CSMD1: variants seen among roughly 807,000 people sequenced by gnomAD.
The protein encoded by CSMD1 is CUB and Sushi multiple domains 1.
A neutral mutation model predicts 417.5 loss-of-function variants in CSMD1; 213 were observed. The ratio of observed to expected loss-of-function variants is 0.51; its 90% CI spans 0.46 to 0.57. The LOEUF is 0.57. Ranked by LOEUF, CSMD1 falls within the 20% of genes least tolerant of loss-of-function variation. CSMD1 has a pLI of 0.00. For synonymous variants in CSMD1, 2,862 were observed against 1,736.8 expected, an observed-to-expected ratio of 1.65 and a Z score of -16.11; for missense variants, 6,923 against 4,529.7, an observed-to-expected ratio of 1.53 and a Z score of -15.17.
At chr8:4,457,961 G>T (rs1001238478) in intron 2 of CSMD1, among the ~76,000 whole-genome samples, 3 of 152,144 alleles carry the variant, frequency 2.0e-5, no homozygotes, top group East Asian at 1.9e-4. Context: ...GAAAAACCCA[G>T]ATGTACTTCT....
intron 2 of CSMD1, among the ~76,000 whole-genome samples, chr8:4,522,695 C>A (rs985933051): frequency 6.6e-6 from 1 of 152,156 alleles, no homozygotes; most frequent in African/African-American, 2.4e-5. Context: ...CTGTTATCAT[C>A]TCACTTTACC....
At chr8:3,605,790 T>G (rs1263583754) in intron 8 of CSMD1, among the ~76,000 whole-genome samples, 1 of 152,220 alleles carries the variant, frequency 6.6e-6, no homozygotes, top group Admixed American at 6.5e-5. Context: ...ATAGCACTCT[T>G]TCAACCCCCA....
intron 7 of CSMD1, among the ~76,000 whole-genome samples, chr8:3,619,587 A>G (rs896364212): frequency 2.4e-4 from 37 of 152,288 alleles, no homozygotes; most frequent in African/African-American, 8.7e-4. Flanking sequence ...AGATGTACAA[A>G]TTCAAGGAGA....
chr8:3,400,192 T>G (rs1406631687), intron 15 of CSMD1, among the ~76,000 whole-genome samples: 1 of 152,178 alleles, frequency 6.6e-6, no homozygotes, highest in African/African-American at 2.4e-5. Context: ...ACCTGTATCA[T>G]CTAAAGGAAT....
chr8:4,762,149 T>G (rs1163436641), intron 1 of CSMD1, among the ~76,000 whole-genome samples: 1 of 152,138 alleles, frequency 6.6e-6, no homozygotes, highest in African/African-American at 2.4e-5. Flanking sequence ...AAAGGTAAGA[T>G]GTCACCACCT....
At chr8:3,301,487 G>C (rs1804403677) in intron 25 of CSMD1, among the ~76,000 whole-genome samples, 1 of 152,128 alleles carries the variant, frequency 6.6e-6, no homozygotes, top group African/African-American at 2.4e-5. Flanking sequence ...TGAGATCAGG[G>C]AACAACACAG....
chr8:2,960,961 T>TATATATATATACAC (rs1408815262), intron 62 of CSMD1, among the ~76,000 whole-genome samples, 180 bp downstream of exon 62: 2 of 130,858 alleles, frequency 1.5e-5, no homozygotes, highest in East Asian at 4.2e-4. Context: ...TATATATATA[T>TATATATATATACAC]ATATACATAT....
intron 41 of CSMD1, chr8:3,127,886 G>A (rs1817589174): frequency 6.9e-6 from 1 of 145,844 alleles, no homozygotes; most frequent in East Asian, 2.0e-4. Flanking sequence ...ATGAGAGGGA[G>A]GGAGGGAGGA....
At chr8:4,464,914 G>A (rs1025223440) in intron 2 of CSMD1, among the ~76,000 whole-genome samples, 1 of 152,032 alleles carries the variant, frequency 6.6e-6, no homozygotes, top group African/African-American at 2.4e-5. Flanking sequence ...CCTCTCCATT[G>A]GGGCTGAGCA....
At chr8:3,798,561 G>A (rs1161561578) in intron 5 of CSMD1, among the ~76,000 whole-genome samples, 1 of 152,062 alleles carries the variant, frequency 6.6e-6, no homozygotes, top group Non-Finnish European at 1.5e-5. Context: ...CCAGAGTTTT[G>A]AGAGGTGATT....
chr8:4,214,960 G>A lies in CSMD1; in HGVS notation c.416-182861C>T, dbSNP rs80257247. On this transcript the variant is annotated intron_variant, in intron 3 of 69. Transcript: ENST00000635120. Reference sequence around the variant, plus strand: ...TGAGCACAAACGAAGCTCACTTCACGTGAGATACAGGCACAGCTTACTCTG... The same window carrying A: ...TGAGCACAAACGAAGCTCACTTCACATGAGATACAGGCACAGCTTACTCTG... Among the ~76,000 whole-genome samples, 22 of 152,138 alleles carry A rather than the reference G, an allele frequency of 1.4e-4. No homozygotes were observed. In the East Asian group the frequency reaches 2.5e-3, roughly 17 times the overall value.
intron 20 of CSMD1, among the ~76,000 whole-genome samples, chr8:3,361,431 AGACT>A (rs1265694376): frequency 6.6e-6 from 1 of 152,090 alleles, no homozygotes; most frequent in Non-Finnish European, 1.5e-5. Flanking sequence ...GTTTGAGACC[AGACT>A]GACTAACACG....
intron 49 of CSMD1, among the ~76,000 whole-genome samples, chr8:3,070,654 T>A (rs1813270435): frequency 6.6e-6 from 1 of 152,190 alleles, no homozygotes; most frequent in African/African-American, 2.4e-5. Flanking sequence ...TCTTCATTGT[T>A]TATATCACCA....
chr8:3,911,943 T>G (rs1025273773), intron 5 of CSMD1, among the ~76,000 whole-genome samples: 5 of 152,232 alleles, frequency 3.3e-5, no homozygotes, highest in Non-Finnish European at 5.9e-5. Flanking sequence ...TTTCCCTATA[T>G]GTCCACCTGA....
At chr8:3,146,992 C>A (rs1818884990) in intron 40 of CSMD1, among the ~76,000 whole-genome samples, 1 of 152,088 alleles carries the variant, frequency 6.6e-6, no homozygotes, top group South Asian at 2.1e-4. Flanking sequence ...AAAAACATCC[C>A]ATATATTTTT....
intron 3 of CSMD1, among the ~76,000 whole-genome samples, chr8:4,260,699 G>A (rs893648906): frequency 7.2e-5 from 11 of 152,122 alleles, no homozygotes; most frequent in Admixed American, 5.9e-4. Flanking sequence ...AAATTCCCAT[G>A]TCGTTGGTTT....
intron 3 of CSMD1, among the ~76,000 whole-genome samples, chr8:4,223,852 C>G (rs535750111): frequency 6.6e-6 from 1 of 152,250 alleles, no homozygotes; most frequent in East Asian, 1.9e-4. Context: ...TGATAATGAA[C>G]ATGTAAAGGT....
intron 7 of CSMD1, among the ~76,000 whole-genome samples, chr8:3,646,451 G>C (rs1292016185): frequency 6.6e-6 from 1 of 152,050 alleles, no homozygotes; most frequent in African/African-American, 2.4e-5. Flanking sequence ...TTGTAAATAA[G>C]GGAAAATCGC....
At chr8:4,377,796 C>T (rs1017288487) in intron 3 of CSMD1, among the ~76,000 whole-genome samples, 7 of 152,120 alleles carry the variant, frequency 4.6e-5, no homozygotes, top group Admixed American at 3.3e-4. Context: ...AATATCCAAG[C>T]GTTGTACAAT....
Sources: gnomAD v4.1 joint callset for allele counts (sites outside exome capture counted in the v4.1 genomes callset) on GRCh38, gnomAD v4.1.1 for gene constraint, MANE v1.5 for transcripts, NCBI Gene and HGNC (gene_info 2026-07-23, HGNC 2026-07-21) for gene names.